The following MAGI2 variants were observed in gnomAD, a reference collection of about 807,000 sequenced individuals.
MAGI2 encodes membrane associated guanylate kinase, WW and PDZ domain containing 2, also known as membrane-associated guanylate kinase, WW and PDZ domain-containing protein 2.
A neutral mutation model predicts 133.3 loss-of-function variants in MAGI2; 35 were observed. The observed-to-expected ratio is 0.26, with a 90% CI of 0.20 to 0.35. The LOEUF is 0.35. Ranked by LOEUF, MAGI2 falls within the 10% of genes least tolerant of loss-of-function variation. MAGI2 has a pLI of 1.00. For missense variants in MAGI2, 1,636 were observed against 1,863.4 expected, an observed-to-expected ratio of 0.88 and a Z score of 2.25; for synonymous variants, 729 against 710.6, an observed-to-expected ratio of 1.03 and a Z score of -0.41.
At chr7:78,370,730 G>C (rs932672811) in intron 6 of MAGI2, among the ~76,000 whole-genome samples, 5 of 151,858 alleles carry the variant, frequency 3.3e-5, no homozygotes, top group Non-Finnish European at 7.4e-5. Flanking sequence ...GAACATATAT[G>C]TTTTAGAATT....
intron 21 of MAGI2, among the ~76,000 whole-genome samples, chr7:78,050,982 AG>A (rs945156981): frequency 5.1e-4 from 77 of 152,240 alleles, no homozygotes; most frequent in African/African-American, 1.9e-3. Context: ...ATACCTCTGG[AG>A]CCAGAAGCTA....
Position 78,740,364 on chromosome 7 carries a change from T to A in MAGI2, c.419-113125A>T, listed in dbSNP as rs1822294630. Among the ~76,000 whole-genome samples the A allele has an allele frequency of 2.6e-5, 4 of 152,262 alleles. No homozygotes were observed. In the South Asian group the frequency reaches 8.3e-4, roughly 32 times the overall value. ...TGTTAAAATCTTTTTTACAGCAAAG[T>A]AGGTTATCAGTAAATGGACAATAGT... On this transcript the variant is annotated intron_variant, in intron 2 of 21. Transcript: ENST00000354212.
intron 5 of MAGI2, among the ~76,000 whole-genome samples, chr7:78,496,211 C>T (rs1794072199): frequency 6.6e-6 from 1 of 152,182 alleles, no homozygotes; most frequent in Non-Finnish European, 1.5e-5. Flanking sequence ...AAAGCAAATT[C>T]AGCCCTGACA....
intron 6 of MAGI2, among the ~76,000 whole-genome samples, chr7:78,410,560 C>T (rs1010755453): frequency 1.3e-5 from 2 of 151,992 alleles, no homozygotes; most frequent in African/African-American, 4.8e-5. Context: ...GGATACTCTT[C>T]CATTTGATTT....
At chr7:78,959,747 A>T (rs1409521598) in intron 2 of MAGI2, among the ~76,000 whole-genome samples, 1 of 152,142 alleles carries the variant, frequency 6.6e-6, no homozygotes. Flanking sequence ...TACTGACCCC[A>T]TAAATTGTTA....
intron 20 of MAGI2, among the ~76,000 whole-genome samples, chr7:78,086,993 G>A (rs1332590209): frequency 1.3e-5 from 2 of 152,036 alleles, no homozygotes; most frequent in Non-Finnish European, 2.9e-5. Context: ...TCTCTGTGCT[G>A]TTCTTTTTGC....
intron 1 of MAGI2, among the ~76,000 whole-genome samples, chr7:79,272,093 A>T (rs1834921160): frequency 6.6e-6 from 1 of 152,152 alleles, no homozygotes; most frequent in Admixed American, 6.6e-5. Flanking sequence ...AAAGTTAGCA[A>T]ATACTTACAT....
At chr7:78,116,417 T>C (rs1192231687) in intron 20 of MAGI2, among the ~76,000 whole-genome samples, 1 of 149,418 alleles carries the variant, frequency 6.7e-6, no homozygotes, top group Non-Finnish European at 1.5e-5. Flanking sequence ...AATGAAATAT[T>C]AAGTATAAAA....
At chr7:78,225,928 T>G (rs543305594) in intron 10 of MAGI2, among the ~76,000 whole-genome samples, 36 of 152,332 alleles carry the variant, frequency 2.4e-4, no homozygotes, top group African/African-American at 8.4e-4. Flanking sequence ...CCGAGGGTGC[T>G]GTTCACATGA....
chr7:79,230,472 A>G (rs1831267016), intron 1 of MAGI2, among the ~76,000 whole-genome samples: 5 of 151,380 alleles, frequency 3.3e-5, no homozygotes, highest in African/African-American at 9.7e-5. Flanking sequence ...TGACTTTTTA[A>G]TGACTGCCAT....
At chr7:78,158,868 A>G (rs1405866174) in intron 16 of MAGI2, among the ~76,000 whole-genome samples, 1 of 152,166 alleles carries the variant, frequency 6.6e-6, no homozygotes, top group East Asian at 1.9e-4. Flanking sequence ...TAACATCACT[A>G]TTGTAAAACC....
At chr7:78,187,608 A>G (rs1827813832) in intron 12 of MAGI2, among the ~76,000 whole-genome samples, 4 of 152,220 alleles carry the variant, frequency 2.6e-5, no homozygotes, top group Admixed American at 2.6e-4. Context: ...CATGGAGAGC[A>G]TAACAATCAT....
chr7:79,235,110 G>A (rs1335480284), intron 1 of MAGI2, among the ~76,000 whole-genome samples: 28 of 151,692 alleles, frequency 1.8e-4, no homozygotes, highest in Middle Eastern at 3.4e-3. Context: ...CTGCTCGGGG[G>A]TCAGGGGTCA....
At chr7:78,838,950 T>C (rs1238345302) in intron 2 of MAGI2, among the ~76,000 whole-genome samples, 1 of 152,086 alleles carries the variant, frequency 6.6e-6, no homozygotes, top group Non-Finnish European at 1.5e-5. Context: ...TGATTCCAAC[T>C]ATATTGTTAG....
At chr7:79,036,401 C>T (rs757191145) in intron 1 of MAGI2, among the ~76,000 whole-genome samples, 2 of 152,170 alleles carry the variant, frequency 1.3e-5, no homozygotes, top group African/African-American at 2.4e-5. Context: ...ATGTTTCCTA[C>T]ATGACTGAGG....
intron 3 of MAGI2, among the ~76,000 whole-genome samples, chr7:78,606,282 G>T (rs927147617): frequency 6.6e-6 from 1 of 152,110 alleles, no homozygotes; most frequent in Non-Finnish European, 1.5e-5. Context: ...CTGAGTTAGG[G>T]ATGTAGATTT....
chr7:78,065,560 C>A, intron 21 of MAGI2: 1 of 675,058 alleles, frequency 1.5e-6, no homozygotes, highest in Non-Finnish European at 2.7e-6. Flanking sequence ...AATATTCATG[C>A]AGATTTTACA....
intron 9 of MAGI2, among the ~76,000 whole-genome samples, chr7:78,274,035 C>T (rs560861170): frequency 7.2e-5 from 11 of 152,272 alleles, no homozygotes; most frequent in Admixed American, 3.3e-4. Context: ...TTGGAATTTT[C>T]AGCCTTTTTG....
At chr7:78,957,264 CAAAAAAAAAAAA>C (rs1187620956) in intron 2 of MAGI2, among the ~76,000 whole-genome samples, 3 of 42,660 alleles carry the variant, frequency 7.0e-5, no homozygotes, top group African/African-American at 1.7e-4. Flanking sequence ...GACTCCATCT[CAAAAAAAAAAAA>C]AAAAAAAAAG....
Sources: allele counts gnomAD v4.1 joint callset (sites outside exome capture counted in the v4.1 genomes callset), GRCh38; gene constraint gnomAD v4.1.1; transcripts MANE v1.5; gene names NCBI Gene and HGNC (gene_info 2026-07-23, HGNC 2026-07-21).